ADAMTS17: variants seen among roughly 807,000 people sequenced by gnomAD.
ADAMTS17 encodes A disintegrin and metalloproteinase with thrombospondin motifs 17.
Under a neutral mutation model 141.5 loss-of-function variants are expected in ADAMTS17, and 113 were observed. The ratio of observed to expected loss-of-function variants is 0.80; its 90% CI spans 0.69 to 0.93. The LOEUF is 0.93. Among genes scored for constraint, ADAMTS17 ranks in the 40% least tolerant of loss-of-function variants. The pLI, the probability that ADAMTS17 is intolerant of heterozygous loss-of-function variation, is 0.00. For synonymous variants in ADAMTS17, 768 were observed against 630.6 expected (o/e 1.22, Z -3.27); for missense variants, 1,659 against 1,517.9 (o/e 1.09, Z -1.54).
At chr15:100,119,849 G>A (rs1256681011) in intron 12 of ADAMTS17, among the ~76,000 whole-genome samples, 1 of 152,112 alleles carries the variant, frequency 6.6e-6, no homozygotes, top group Non-Finnish European at 1.5e-5. Flanking sequence ...CTAACCCTCT[G>A]TCCATCTTTG....
chr15:100,082,383 GT>G (rs2034800267), intron 15 of ADAMTS17, among the ~76,000 whole-genome samples: 1 of 132,262 alleles, frequency 7.6e-6, no homozygotes, highest in South Asian at 2.2e-4. Flanking sequence ...GGTTTTGATA[GT>G]CTTTTTTTTT....
intron 3 of ADAMTS17, among the ~76,000 whole-genome samples, chr15:100,282,888 C>A (rs1018671205): frequency 6.6e-6 from 1 of 152,162 alleles, no homozygotes; most frequent in African/African-American, 2.4e-5. Context: ...ATAGTTAGAT[C>A]ATGATTTTGC....
chr15:100,184,005 T>C (rs1003108858), intron 8 of ADAMTS17, among the ~76,000 whole-genome samples: 1 of 152,070 alleles, frequency 6.6e-6, no homozygotes, highest in Non-Finnish European at 1.5e-5. Context: ...AGCTTCTGGG[T>C]ACAGAGACAG....
chr15:100,048,050 A>G (rs2031848955), intron 18 of ADAMTS17, among the ~76,000 whole-genome samples: 1 of 152,182 alleles, frequency 6.6e-6, no homozygotes, highest in Admixed American at 6.5e-5. Flanking sequence ...TCGGTGCAAA[A>G]GCCAAATATG....
intron 15 of ADAMTS17, among the ~76,000 whole-genome samples, chr15:100,080,956 AC>A (rs1034625506): frequency 2.6e-5 from 4 of 152,154 alleles, no homozygotes; most frequent in African/African-American, 4.8e-5. Flanking sequence ...GTTCAAGTTG[AC>A]TTGGGGTGGA....
chr15:100,193,705 A>G (rs542243628), intron 8 of ADAMTS17, among the ~76,000 whole-genome samples: 1 of 151,822 alleles, frequency 6.6e-6, no homozygotes, highest in African/African-American at 2.4e-5. Context: ...GCCAGGCACC[A>G]TCTACGCCAA....
intron 7 of ADAMTS17, among the ~76,000 whole-genome samples, chr15:100,201,607 A>G (rs944453868): frequency 6.6e-6 from 1 of 152,172 alleles, no homozygotes; most frequent in Non-Finnish European, 1.5e-5. Context: ...TGTTTCACAC[A>G]CTGGGCCCAG....
chr15:100,072,702 A>T (rs1040765920), intron 15 of ADAMTS17, among the ~76,000 whole-genome samples: 6 of 152,214 alleles, frequency 3.9e-5, no homozygotes, highest in Non-Finnish European at 7.3e-5. Context: ...CTGGCTAGCC[A>T]TATGTAGAAA....
intron 8 of ADAMTS17, among the ~76,000 whole-genome samples, chr15:100,161,780 T>C (rs1364300352): frequency 2.6e-5 from 4 of 152,152 alleles, no homozygotes; most frequent in South Asian, 4.1e-4. Context: ...GCTGCACTCA[T>C]TTACAGGTAG....
intron 18 of ADAMTS17, among the ~76,000 whole-genome samples, chr15:100,015,270 G>A (rs1357653883): frequency 6.6e-6 from 1 of 152,122 alleles, no homozygotes; most frequent in Non-Finnish European, 1.5e-5. Flanking sequence ...GGTAGCAGAT[G>A]GTTGGTTGGT....
At chr15:100,084,823 C>T (rs886335948) in intron 15 of ADAMTS17, among the ~76,000 whole-genome samples, 19 of 152,168 alleles carry the variant, frequency 1.2e-4, no homozygotes, top group Admixed American at 4.6e-4. Context: ...AAAGGACATC[C>T]ACACCAAAAA....
chr15:99,982,205 T>C (rs906978137), intron 20 of ADAMTS17, among the ~76,000 whole-genome samples: 2 of 152,202 alleles, frequency 1.3e-5, no homozygotes, highest in Admixed American at 6.5e-5. Flanking sequence ...TTCTCAACAG[T>C]GAATGCACGG....
intron 12 of ADAMTS17, among the ~76,000 whole-genome samples, chr15:100,118,439 G>C (rs77725143): frequency 0.023 from 3,562 of 152,306 alleles, 124 homozygotes; most frequent in African/African-American, 0.082. Flanking sequence ...GAGATCTAGA[G>C]AGATTAAACC....
intron 20 of ADAMTS17, chr15:99,979,498 G>A (rs9920456): frequency 0.02 from 3,039 of 152,318 alleles, 111 homozygotes; most frequent in African/African-American, 0.069. Flanking sequence ...TTCCCAATGC[G>A]GAACAAAGCC....
chr15:100,180,298 G>A (rs943911297), intron 8 of ADAMTS17, among the ~76,000 whole-genome samples: 4 of 152,102 alleles, frequency 2.6e-5, no homozygotes, highest in Admixed American at 6.5e-5. Flanking sequence ...GTATGTTCTT[G>A]GCACCTTCGT....
intron 8 of ADAMTS17, among the ~76,000 whole-genome samples, chr15:100,185,405 C>G (rs2040678077): frequency 6.6e-6 from 1 of 152,178 alleles, no homozygotes; most frequent in African/African-American, 2.4e-5. Context: ...CTGCTCAGAT[C>G]CTGGTCTCTT....
At chr15:100,189,478 T>C (rs1375582352) in intron 8 of ADAMTS17, among the ~76,000 whole-genome samples, 1 of 152,196 alleles carries the variant, frequency 6.6e-6, no homozygotes, top group Non-Finnish European at 1.5e-5. Flanking sequence ...TCACAGGCCC[T>C]TTATTAATTC....
At chr15:100,281,977 T>C (rs7497893) in intron 3 of ADAMTS17, among the ~76,000 whole-genome samples, 79,126 of 152,012 alleles carry the variant, frequency 0.52, 21,209 homozygotes, top group South Asian at 0.67. Context: ...AAAATGAAAA[T>C]CTTCCCTTTC....
intron 14 of ADAMTS17, among the ~76,000 whole-genome samples, chr15:100,101,829 C>T (rs188813394): frequency 6.6e-5 from 10 of 152,358 alleles, no homozygotes; most frequent in African/African-American, 2.2e-4. Flanking sequence ...TAGCTATCTT[C>T]CAACTACTGC....
Sources: allele counts gnomAD v4.1 joint callset (sites outside exome capture counted in the v4.1 genomes callset), GRCh38; gene constraint gnomAD v4.1.1; transcripts MANE v1.5; gene names NCBI Gene and HGNC (gene_info 2026-07-23, HGNC 2026-07-21).